KCNMA1: variants seen among roughly 807,000 people sequenced by gnomAD.
KCNMA1 encodes the protein Calcium-activated potassium channel subunit alpha-1.
KCNMA1 carries 29 observed loss-of-function variants against 140.0 expected under a neutral mutation model. The observed-to-expected ratio is 0.21, with a 90% CI of 0.15 to 0.28. The LOEUF is 0.28. Ranked by LOEUF, KCNMA1 falls within the 10% of genes least tolerant of loss-of-function variation. The pLI, the probability that KCNMA1 is intolerant of heterozygous loss-of-function variation, is 1.00. For missense variants in KCNMA1, 880 were observed against 1,602.2 expected (o/e 0.55, Z 7.70); for synonymous variants, 612 against 611.9 (o/e 1.00, Z 0.00).
chr10:76,940,817 C>T (rs561326550), intron 23 of KCNMA1, among the ~76,000 whole-genome samples: 3 of 151,160 alleles, frequency 2.0e-5, no homozygotes, highest in Non-Finnish European at 4.4e-5. Context: ...AAAAATTAGC[C>T]GGGTGTGGCA....
intron 3 of KCNMA1, among the ~76,000 whole-genome samples, chr10:77,228,988 A>C (rs973219459): frequency 3.3e-5 from 5 of 152,264 alleles, no homozygotes; most frequent in Non-Finnish European, 7.3e-5. Flanking sequence ...CTGAAGTTTT[A>C]CATAGGGAAT....
chr10:77,052,567 C>T (rs762945167), intron 14 of KCNMA1, among the ~76,000 whole-genome samples: 20 of 150,086 alleles, frequency 1.3e-4, no homozygotes, highest in East Asian at 7.8e-4. Context: ...CTTGCCTCCA[C>T]GACTGATTTT....
At chr10:76,980,693 C>T (rs781334212) in intron 19 of KCNMA1, 1 of 152,180 alleles carries the variant, frequency 6.6e-6, no homozygotes, top group South Asian at 2.1e-4. Context: ...TGCTCAAATG[C>T]CCCACTGCTG....
intron 1 of KCNMA1, among the ~76,000 whole-genome samples, chr10:77,617,092 T>C (rs1394359319): frequency 6.6e-6 from 1 of 152,250 alleles, no homozygotes; most frequent in Non-Finnish European, 1.5e-5. Context: ...GTATTACTTA[T>C]GTTACTACTC....
At chr10:77,098,052 G>GA (rs2096982342) in intron 9 of KCNMA1, among the ~76,000 whole-genome samples, 1 of 152,196 alleles carries the variant, frequency 6.6e-6, no homozygotes, top group Non-Finnish European at 1.5e-5. Context: ...CAGACAGTCA[G>GA]AACCTCAGCT....
chr10:77,569,874 T>C (rs1422869295), intron 1 of KCNMA1, among the ~76,000 whole-genome samples: 2 of 151,870 alleles, frequency 1.3e-5, no homozygotes, highest in Non-Finnish European at 2.9e-5. Context: ...TACAATGAAC[T>C]CAAACAAATT....
chr10:77,149,838 TA>T (rs1490640720), intron 5 of KCNMA1: 1 of 152,166 alleles, frequency 6.6e-6, no homozygotes, highest in Non-Finnish European at 1.5e-5. Context: ...CATCTTTTCA[TA>T]GAACCCATGC....
chr10:77,586,161 G>T (rs2077223044), intron 1 of KCNMA1, among the ~76,000 whole-genome samples: 1 of 152,076 alleles, frequency 6.6e-6, no homozygotes, highest in African/African-American at 2.4e-5. Context: ...AATCTGATGG[G>T]GCACCAGTCA....
intron 17 of KCNMA1, among the ~76,000 whole-genome samples, chr10:77,018,501 C>T (rs1325409973): frequency 1.3e-5 from 2 of 152,178 alleles, no homozygotes; most frequent in Non-Finnish European, 2.9e-5. Context: ...CTTACAGTGG[C>T]TTAACAATTG....
At chr10:76,989,007 G>A (rs906552176) in intron 19 of KCNMA1, among the ~76,000 whole-genome samples, 1 of 152,120 alleles carries the variant, frequency 6.6e-6, no homozygotes, top group Admixed American at 6.6e-5. Context: ...GGCTCTTTGG[G>A]GAGGTCAACA....
At chr10:76,966,769 C>A (rs934752911) in intron 20 of KCNMA1, among the ~76,000 whole-genome samples, 1 of 152,166 alleles carries the variant, frequency 6.6e-6, no homozygotes, top group African/African-American at 2.4e-5. Context: ...TGGAAGCCTC[C>A]ATGGCTCACA....
chr10:77,637,083 C>T lies in KCNMA1; in HGVS notation c.378+182G>A, dbSNP rs1032084512. On this transcript the variant is annotated intron_variant, in intron 1 of 27. Transcript: ENST00000286628. ...GCTGGGGGCAACTCCTCACCCCCGG[C>T]GCGCCGCCCGCTGCCCCGATCCGAG... 12 of 1,327,792 alleles carry T rather than the reference C, an allele frequency of 9.0e-6. No homozygotes were observed. The South Asian group carries it at 1.2e-4, about 14-fold the overall frequency. 82.3% of individuals were successfully genotyped at this position (1,327,792 alleles called of 1,614,324 possible).
chr10:77,288,169 G>T (rs776933820), intron 2 of KCNMA1, among the ~76,000 whole-genome samples: 9 of 152,236 alleles, frequency 5.9e-5, no homozygotes, highest in Non-Finnish European at 1.2e-4. Flanking sequence ...GTGACTTGGA[G>T]TTGTTGATCT....
At chr10:76,880,856 A>G (rs1047267231), downstream of KCNMA1, among the ~76,000 whole-genome samples, 8 of 152,132 alleles carry the variant, frequency 5.3e-5, no homozygotes, top group Non-Finnish European at 1.2e-4. Flanking sequence ...CAGGGGCTTT[A>G]TTTTCATCTC....
intron 1 of KCNMA1, among the ~76,000 whole-genome samples, chr10:77,523,659 G>A (rs1477406812): frequency 1.3e-5 from 2 of 152,216 alleles, no homozygotes; most frequent in Non-Finnish European, 2.9e-5. Context: ...CCATGGGTGT[G>A]TTCAGTTTTG....
chr10:77,346,238 G>A lies in KCNMA1; in HGVS notation c.540+57624C>T, dbSNP rs1338462971. Reference sequence around the variant, plus strand: ...TTAAAACCCAGTCATGCAAAGCCAAGTGCTTTCATGTTTGAGAAACAAAAA... The same window carrying A: ...TTAAAACCCAGTCATGCAAAGCCAAATGCTTTCATGTTTGAGAAACAAAAA... On this transcript the variant is annotated intron_variant, in intron 2 of 27. Transcript: ENST00000286628. Among the ~76,000 whole-genome samples, 3 of 152,186 alleles carry A rather than the reference G, an allele frequency of 2.0e-5. No homozygotes were observed. The East Asian group carries it at 5.8e-4, about 29-fold the overall frequency.
At chr10:77,225,436 C>A (rs2051001712) in intron 3 of KCNMA1, among the ~76,000 whole-genome samples, 1 of 152,088 alleles carries the variant, frequency 6.6e-6, no homozygotes, top group Non-Finnish European at 1.5e-5. Flanking sequence ...AGGGGACTCC[C>A]CCTGGCCAGG....
At chr10:77,007,039 C>T (rs946568056) in intron 18 of KCNMA1, among the ~76,000 whole-genome samples, 1 of 152,170 alleles carries the variant, frequency 6.6e-6, no homozygotes, top group Non-Finnish European at 1.5e-5. Flanking sequence ...ACATCTTCTC[C>T]AAATTCCAGA....
intron 1 of KCNMA1, among the ~76,000 whole-genome samples, chr10:77,562,430 C>T (rs2673475): frequency 0.91 from 139,194 of 152,274 alleles, 63,761 homozygotes; most frequent in South Asian, 0.97. Context: ...AACAGTAAAA[C>T]TGACATCCAT....
Sources: gnomAD v4.1 joint callset for allele counts (sites outside exome capture counted in the v4.1 genomes callset) on GRCh38, gnomAD v4.1.1 for gene constraint, MANE v1.5 for transcripts, NCBI Gene and HGNC (gene_info 2026-07-23, HGNC 2026-07-21) for gene names.